The following TULP4 variants were observed in gnomAD, a reference collection of about 807,000 sequenced individuals.
TULP4 encodes the protein tubby-related protein 4.
A neutral mutation model predicts 129.0 loss-of-function variants in TULP4; 16 were observed. The ratio of observed to expected loss-of-function variants is 0.12; its 90% CI spans 0.08 to 0.19. The LOEUF (loss-of-function observed/expected upper bound fraction) is 0.19, where lower values mean the gene tolerates loss of function less well. TULP4 is among the 10% of genes least tolerant of loss of function. The probability of loss-of-function intolerance (pLI) is 1.00; values close to 1 mark genes in which losing one functional copy is unlikely to be tolerated. For synonymous variants in TULP4, 998 were observed against 854.0 expected (o/e 1.17, Z -2.94); for missense variants, 1,842 against 2,059.1 (o/e 0.89, Z 2.04).
At chr6:158,275,580 G>A (rs1367646836) in intron 1 of TULP4, among the ~76,000 whole-genome samples, 1 of 152,160 alleles carries the variant, frequency 6.6e-6, no homozygotes, top group Admixed American at 6.5e-5. Flanking sequence ...GCAGCGCTTT[G>A]TCACTGTCCC....
At chr6:158,259,870 A>G (rs1778319190) in intron 1 of TULP4, among the ~76,000 whole-genome samples, 1 of 152,238 alleles carries the variant, frequency 6.6e-6, no homozygotes, top group Admixed American at 6.5e-5. Context: ...AATGGAAGAG[A>G]CACATAGGGC....
At chr6:158,238,367 A>G in intron 1 of TULP4, 2 of 714,086 alleles carry the variant, frequency 2.8e-6, no homozygotes, top group Non-Finnish European at 5.0e-6. Flanking sequence ...ATTTTGAGGC[A>G]TTGTTCGGCC....
rs1362834473 is a variant in TULP4 at position 158,502,054 on chromosome 6, C to A, written c.2391C>A (p.His797Gln). The change falls in exon 13 of 14, where the codon CAC becomes CAA. Residue 797 changes from histidine to glutamine, a missense_variant. His to Gln is a conservative substitution (Grantham distance 24, BLOSUM62 0). Coordinates refer to ENST00000367097, the MANE Select transcript of TULP4 (RefSeq NM_020245.5). ...GCCATGGAGACCGAGACCACGAACA[C>A]CTGCAGAAGTCAGCCAAGGCCCTGC... ...TVGHGDRDHE[H>Q]LQKSAKALRP... The A allele has an allele frequency of 6.2e-7, 1 of 1,613,526 alleles. No individual in the cohort carries two copies. The highest frequency in any genetic ancestry group is 2.2e-5 in the East Asian group (1 of 44,864).
At chr6:158,495,631 T>A (rs949706513) in intron 11 of TULP4, among the ~76,000 whole-genome samples, 4 of 152,108 alleles carry the variant, frequency 2.6e-5, no homozygotes, top group African/African-American at 9.7e-5. Context: ...TCACCTGAGT[T>A]TGGGAGTTTG....
intron 1 of TULP4, among the ~76,000 whole-genome samples, chr6:158,333,738 C>A (rs1411861862): frequency 6.6e-6 from 1 of 152,118 alleles, no homozygotes. Flanking sequence ...GAAAACGTGT[C>A]ATGAATGCAT....
intron 1 of TULP4, among the ~76,000 whole-genome samples, chr6:158,342,531 G>T (rs1435544491): frequency 1.3e-5 from 2 of 152,116 alleles, no homozygotes; most frequent in Non-Finnish European, 2.9e-5. Context: ...TAGCCTACCT[G>T]GTAGCTTAAG....
rs1438223754 is a variant in TULP4 at position 158,510,742 on chromosome 6, T to C, written c.*4048T>C. On this transcript the variant is annotated 3_prime_UTR_variant, in exon 14 of 14. Transcript: ENST00000367097. Reference sequence around the variant, plus strand: ...TGTGCCCTGCTCAGCTGGATGTCCATGAGAACAGCCATGAAATAAGTCACT... The same window carrying C: ...TGTGCCCTGCTCAGCTGGATGTCCACGAGAACAGCCATGAAATAAGTCACT... The C allele has an allele frequency of 6.6e-6, 1 of 152,164 alleles. No individual in the cohort carries two copies. Among genetic ancestry groups the C allele is most frequent in the Non-Finnish European group, 1.5e-5 (1 of 68,044 alleles). 9.4% of individuals were successfully genotyped at this position (152,164 alleles called of 1,614,324 possible). A position where few individuals can be genotyped will look rare whatever the true frequency, so the allele number is the denominator to read the frequency against.
intron 6 of TULP4, among the ~76,000 whole-genome samples, chr6:158,469,677 G>T (rs1283125619): frequency 6.6e-6 from 1 of 152,052 alleles, no homozygotes; most frequent in African/African-American, 2.4e-5. Flanking sequence ...GGTGGAGATA[G>T]AGATTTGGAG....
chr6:158,313,474 G>T lies in TULP4; in HGVS notation c.-543G>T, dbSNP rs977198359. On this transcript the variant is annotated 5_prime_UTR_variant, in exon 1 of 14. Transcript: ENST00000367097. ...TCTAGTTCAGGAAACATGCTAGAGG[G>T]TGGCTTCAGAAGGAAGATGATCCTG... is the stretch of plus-strand genomic sequence containing the variant. 3.7e-5 allele frequency: 15 copies of T among 400,198 alleles called. No homozygotes were observed. Among genetic ancestry groups the T allele is most frequent in the Non-Finnish European group, 5.3e-5 (12 of 227,228 alleles). The allele number at this position is 400,198 out of a possible 1,614,324, so 24.8% of individuals were successfully genotyped here. A position where few individuals can be genotyped will look rare whatever the true frequency, so the allele number is the denominator to read the frequency against.
At chr6:158,414,013 G>A (rs962920335) in intron 2 of TULP4, among the ~76,000 whole-genome samples, 8 of 152,038 alleles carry the variant, frequency 5.3e-5, no homozygotes, top group East Asian at 1.9e-4. Context: ...TCCTTCCCTC[G>A]CCCACCTGTT....
intron 9 of TULP4, among the ~76,000 whole-genome samples, chr6:158,491,458 TC>T (rs1562589243): frequency 0.054 from 1,417 of 26,310 alleles, 11 homozygotes; most frequent in South Asian, 0.1. Context: ...TTCTTTCTTT[TC>T]TTTCTTTCTT....
chr6:158,366,505 C>T (rs767359037), intron 1 of TULP4, among the ~76,000 whole-genome samples: 4 of 152,172 alleles, frequency 2.6e-5, no homozygotes, highest in African/African-American at 9.7e-5. Flanking sequence ...GGCCACAGAC[C>T]TCTTTTCAGT....
chr6:158,283,212 G>A (rs1243911568), intron 1 of TULP4, among the ~76,000 whole-genome samples: 1 of 151,612 alleles, frequency 6.6e-6, no homozygotes, highest in African/African-American at 2.4e-5. Flanking sequence ...CCGCCACCAT[G>A]GCTCTATGGC....
At position 158,506,195 on chromosome 6, in the gene TULP4, C is replaced by T. The variant is rs111402175; in HGVS notation, c.4516-383C>T. Among the ~76,000 whole-genome samples, 1,046 of 151,094 alleles carry T rather than the reference C, an allele frequency of 6.9e-3. 18 individuals carry two copies. Among genetic ancestry groups the T allele is most frequent in the African/African-American group, 0.024 (992 of 41,160 alleles). ...CTGCTTCCATAAGGAGCCATGCAGA[C>T]CCGGCTGTCGCCTTGCTCGCCTTGT... On this transcript the variant is annotated intron_variant, in intron 13 of 13. Coordinates refer to ENST00000367097, the MANE Select transcript of TULP4 (RefSeq NM_020245.5).
intron 1 of TULP4, among the ~76,000 whole-genome samples, chr6:158,302,490 A>G (rs992368819): frequency 6.6e-6 from 1 of 152,178 alleles, no homozygotes; most frequent in South Asian, 2.1e-4. Flanking sequence ...TACTAGAAAC[A>G]CAGGAGACTT....
intron 1 of TULP4, among the ~76,000 whole-genome samples, chr6:158,286,308 A>G (rs781688708): frequency 2.0e-5 from 3 of 152,238 alleles, no homozygotes; most frequent in Non-Finnish European, 4.4e-5. Context: ...TACAGATATA[A>G]TAATTTTCTG....
At chr6:158,349,048 A>G (rs1780403921) in intron 1 of TULP4, among the ~76,000 whole-genome samples, 1 of 60,270 alleles carries the variant, frequency 1.7e-5, no homozygotes, top group East Asian at 4.6e-4. Flanking sequence ...GGCGCTCCTC[A>G]CTTCCCAGAC....
chr6:158,457,132 G>A (rs1371188267), intron 5 of TULP4, among the ~76,000 whole-genome samples: 1 of 152,168 alleles, frequency 6.6e-6, no homozygotes, highest in African/African-American at 2.4e-5. Flanking sequence ...TTACAGACAG[G>A]TCAGCCACTT....
intron 2 of TULP4, among the ~76,000 whole-genome samples, chr6:158,423,782 A>G (rs926670472): frequency 2.0e-5 from 3 of 152,130 alleles, no homozygotes; most frequent in African/African-American, 7.2e-5. Context: ...CTGGGACTAC[A>G]GGTGCCTGCC....
Sources: gnomAD v4.1 joint callset for allele counts (sites outside exome capture counted in the v4.1 genomes callset) on GRCh38, gnomAD v4.1.1 for gene constraint, MANE v1.5 for transcripts, NCBI Gene and HGNC (gene_info 2026-07-23, HGNC 2026-07-21) for gene names.